Variants in MEIS2 observed in about 807,000 individuals in gnomAD.
MEIS2 encodes the protein homeobox protein Meis2.
MEIS2 carries 9 observed loss-of-function variants against 58.6 expected under a neutral mutation model. The observed-to-expected ratio is 0.15, with a 90% confidence interval of 0.09 to 0.27. The LOEUF is 0.27. MEIS2 is among the 10% of genes least tolerant of loss of function. The pLI is 1.00. For missense variants in MEIS2, 427 were observed against 635.0 expected, an observed-to-expected ratio of 0.67 and a Z score of 3.52; for synonymous variants, 221 against 228.4, an observed-to-expected ratio of 0.97 and a Z score of 0.29.
chr15:36,955,807 T>C (rs2141409392), intron 8 of MEIS2, among the ~76,000 whole-genome samples: 1 of 152,092 alleles, frequency 6.6e-6, no homozygotes, highest in East Asian at 1.9e-4. Context: ...TGTTTCTATA[T>C]TCAAATTTCT....
chr15:37,073,574 A>G (rs1890992238), intron 7 of MEIS2, among the ~76,000 whole-genome samples: 1 of 151,976 alleles, frequency 6.6e-6, no homozygotes, highest in Non-Finnish European at 1.5e-5. Context: ...CTGACTCCAG[A>G]GAGTGGTGTG....
rs1449220711 is a variant in MEIS2 at position 37,098,007 on chromosome 15, C to A, written c.205G>T (p.Val69Phe). 1.2e-5 allele frequency: 19 copies of A among 1,610,932 alleles called. No homozygotes were observed. The highest frequency in any genetic ancestry group is 1.4e-5 in the Non-Finnish European group (17 of 1,177,892). The change falls in exon 2 of 12, where the codon GTC becomes TTC. Residue 69 changes from valine (V) to phenylalanine (F), a missense_variant. Physicochemically the swap from Val to Phe is conservative, Grantham distance 50. Around this residue, in one of 6 missense-constraint regions of MEIS2, gnomAD observed 103 missense variants for 111.8 expected, o/e 0.92. Coordinates refer to ENST00000561208, the MANE Select transcript of MEIS2 (RefSeq NM_170675.5). The part of the protein sequence containing the change: ...NVMPASMGSA[V>F]NDALKRDKDA... ...TTGTCCCGCTTCAAGGCGTCGTTGACAGCGGATCCCATACTGGCCGGCATG... is the reference window on the plus strand; with the variant it reads ...TTGTCCCGCTTCAAGGCGTCGTTGAAAGCGGATCCCATACTGGCCGGCATG...
intron 8 of MEIS2, among the ~76,000 whole-genome samples, chr15:37,000,152 G>A (rs566137650): frequency 1.7e-3 from 255 of 152,238 alleles, no homozygotes; most frequent in Non-Finnish European, 2.6e-3. Context: ...AATTTCTTTA[G>A]GCCTCAGTGT....
At chr15:37,044,240 T>C (rs993665314) in intron 7 of MEIS2, among the ~76,000 whole-genome samples, 4 of 152,152 alleles carry the variant, frequency 2.6e-5, no homozygotes, top group African/African-American at 9.7e-5. Context: ...GAAGAAGATG[T>C]GAAGGGTGAA....
chr15:36,925,760 A>G (rs2057722796), intron 9 of MEIS2, among the ~76,000 whole-genome samples: 1 of 152,164 alleles, frequency 6.6e-6, no homozygotes. Context: ...TTCCTTTTTT[A>G]TAGCCGTGGT....
chr15:36,993,378 A>G (rs2060367931), intron 8 of MEIS2, among the ~76,000 whole-genome samples: 1 of 152,146 alleles, frequency 6.6e-6, no homozygotes, highest in Non-Finnish European at 1.5e-5. Flanking sequence ...ATCATTTCTT[A>G]TAATTGTCCT....
chr15:37,047,124 A>G (rs528634748), intron 7 of MEIS2, among the ~76,000 whole-genome samples: 8 of 152,194 alleles, frequency 5.3e-5, no homozygotes, highest in Non-Finnish European at 1.0e-4. Context: ...ACAGTACATC[A>G]TAATAAAGCT....
chr15:36,975,730 T>G (rs2059725332), intron 8 of MEIS2, among the ~76,000 whole-genome samples: 1 of 152,066 alleles, frequency 6.6e-6, no homozygotes, highest in Admixed American at 6.5e-5. Context: ...CCAGGGTGAG[T>G]CCAAGGTGAG....
At chr15:36,918,487 T>C (rs981584485) in intron 9 of MEIS2, among the ~76,000 whole-genome samples, 46 of 152,300 alleles carry the variant, frequency 3.0e-4, no homozygotes, top group African/African-American at 1.1e-3. Context: ...TTTAAAAAAT[T>C]CTACAAATAA....
chr15:37,099,223 C>T (rs1258985578), intron 1 of MEIS2: 2 of 1,430,346 alleles, frequency 1.4e-6, no homozygotes, highest in Non-Finnish European at 1.8e-6. Flanking sequence ...GCTCGCACAG[C>T]GCTGGAACAC....
At chr15:36,933,477 G>T (rs1171361530) in intron 9 of MEIS2, among the ~76,000 whole-genome samples, 1 of 151,954 alleles carries the variant, frequency 6.6e-6, no homozygotes, top group Non-Finnish European at 1.5e-5. Flanking sequence ...TAACCTGCAT[G>T]GTTTAGAGAC....
intron 7 of MEIS2, among the ~76,000 whole-genome samples, chr15:37,045,484 AAAG>A (rs148506859): frequency 0.26 from 38,202 of 147,126 alleles, 5,731 homozygotes; most frequent in Middle Eastern, 0.42. Context: ...AGATTAAAAA[AAAG>A]AAGAAGAAGA....
chr15:36,897,224 A>C (rs569023158), intron 9 of MEIS2: 117 of 155,158 alleles, frequency 7.5e-4, no homozygotes, highest in Non-Finnish European at 1.3e-3. Context: ...CCTGCAGTTT[A>C]AGCCTGTAAA....
chr15:36,934,111 G>A (rs934971464), intron 9 of MEIS2, among the ~76,000 whole-genome samples: 6 of 152,174 alleles, frequency 3.9e-5, no homozygotes, highest in African/African-American at 1.4e-4. Flanking sequence ...CAATGCGTAA[G>A]TAGATTTTAC....
intron 7 of MEIS2, among the ~76,000 whole-genome samples, chr15:37,078,269 T>C (rs748043328): frequency 1.3e-5 from 2 of 151,920 alleles, no homozygotes; most frequent in Non-Finnish European, 2.9e-5. Context: ...AGAGTAACAC[T>C]GGCCGTGAGT....
At chr15:37,022,906 C>T (rs910867694) in intron 8 of MEIS2, among the ~76,000 whole-genome samples, 3 of 152,196 alleles carry the variant, frequency 2.0e-5, no homozygotes, top group Admixed American at 6.5e-5. Context: ...ACACCCTCCT[C>T]GGCCTCCCAA....
intron 7 of MEIS2, among the ~76,000 whole-genome samples, chr15:37,070,127 C>T (rs1472768744): frequency 5.3e-5 from 8 of 152,052 alleles, no homozygotes; most frequent in Non-Finnish European, 1.0e-4. Context: ...TAATGAAACA[C>T]TCAAGGGATA....
intron 9 of MEIS2, among the ~76,000 whole-genome samples, chr15:36,927,479 A>G (rs1459026164): frequency 6.6e-6 from 1 of 152,194 alleles, no homozygotes; most frequent in African/African-American, 2.4e-5. Context: ...TTACCATAAA[A>G]TAACATCTAC....
intron 9 of MEIS2, among the ~76,000 whole-genome samples, chr15:36,931,959 T>C (rs1035083088): frequency 6.6e-6 from 1 of 152,190 alleles, no homozygotes; most frequent in African/African-American, 2.4e-5. Flanking sequence ...GCTAAGGTGG[T>C]GACAAATCAC....
Sources: gnomAD v4.1 joint callset for allele counts (sites outside exome capture counted in the v4.1 genomes callset) on GRCh38, gnomAD v4.1.1 for gene constraint, gnomAD v4.1.1 regional missense constraint, MANE v1.5 for transcripts, NCBI Gene and HGNC (gene_info 2026-07-23, HGNC 2026-07-21) for gene names.